AGPS: variants seen among roughly 807,000 people sequenced by gnomAD.
The protein encoded by AGPS is alkylglycerone phosphate synthase, also known as alkyldihydroxyacetonephosphate synthase, peroxisomal.
A neutral mutation model predicts 90.7 loss-of-function variants in AGPS; 26 were observed. The observed-to-expected ratio is 0.29, with a 90% CI of 0.21 to 0.40. The LOEUF (loss-of-function observed/expected upper bound fraction) is 0.40. Ranked by LOEUF, AGPS falls within the 10% of genes least tolerant of loss-of-function variation. The pLI, the probability that AGPS is intolerant of heterozygous loss-of-function variation, is 1.00. For synonymous variants in AGPS, 294 were observed against 285.3 expected (o/e 1.03, Z -0.31); for missense variants, 540 against 816.1 (o/e 0.66, Z 4.12).
At chr2:177,441,523 T>C (rs1460029246) in intron 6 of AGPS, 1 of 155,172 alleles carries the variant, frequency 6.4e-6, no homozygotes, top group Non-Finnish European at 1.4e-5. Flanking sequence ...AATATTTTTC[T>C]AATTCCAAAT....
Position 177,446,354 on chromosome 2 carries a change from G to A in AGPS, c.870+728G>A, listed in dbSNP as rs1485127687. Among the ~76,000 whole-genome samples the A allele has an allele frequency of 2.6e-5, 4 of 151,692 alleles. No individual in the cohort carries two copies. The East Asian group carries it at 5.8e-4, about 22-fold the overall frequency. ...ATTTTTAGTAGGACGGCGTTTCACC[G>A]TGGTCTCGGATCTCCTGACCTCGTG... On this transcript the variant is annotated intron_variant, in intron 8 of 19. Transcript: ENST00000264167.
At chr2:177,464,524 A>G (rs1009598070) in intron 9 of AGPS, among the ~76,000 whole-genome samples, 3 of 152,268 alleles carry the variant, frequency 2.0e-5, no homozygotes, top group Non-Finnish European at 4.4e-5. Context: ...TAAAAATTTA[A>G]AAGTTTTAAC....
intron 19 of AGPS, among the ~76,000 whole-genome samples, chr2:177,528,470 T>C (rs149158200): frequency 6.6e-6 from 1 of 152,322 alleles, no homozygotes; most frequent in Non-Finnish European, 1.5e-5. Flanking sequence ...CTTTTCCCAT[T>C]CAAGGCCTTT....
In AGPS at chr2:177,439,164, C is replaced by T. The variant is rs1382656471; in HGVS notation, c.638-1801C>T. On this transcript the variant is annotated intron_variant, in intron 5 of 19. Transcript: ENST00000264167. ...ATTTTCAGTGGCTTAAACACCAGAA[C>T]TTTAGAACTGTGAAAATACAGGCTA... 2.0e-5 allele frequency among the ~76,000 whole-genome samples: 3 copies of T among 152,292 alleles called. No individual in the cohort carries two copies. The East Asian group carries it at 5.8e-4, about 29-fold the overall frequency.
At chr2:177,509,359 T>G (rs1236082448) in intron 16 of AGPS, among the ~76,000 whole-genome samples, 1 of 152,164 alleles carries the variant, frequency 6.6e-6, no homozygotes, top group East Asian at 1.9e-4. Flanking sequence ...TCATCAGCCT[T>G]TGAGTAGTAG....
intron 1 of AGPS, among the ~76,000 whole-genome samples, chr2:177,399,917 A>C (rs78343068): frequency 1.3e-5 from 2 of 152,140 alleles, no homozygotes; most frequent in African/African-American, 4.8e-5. Context: ...TCCATGTTGC[A>C]TCTAGTCACA....
intron 10 of AGPS, among the ~76,000 whole-genome samples, chr2:177,477,127 C>A (rs1687803545): frequency 6.6e-6 from 1 of 151,934 alleles, no homozygotes; most frequent in Non-Finnish European, 1.5e-5. Context: ...TTGTTTAGTC[C>A]ATTCACATTT....
chr2:177,529,347 A>G (rs769165243), intron 19 of AGPS, among the ~76,000 whole-genome samples: 2 of 151,994 alleles, frequency 1.3e-5, no homozygotes, highest in East Asian at 1.9e-4. Flanking sequence ...GCACATGCCT[A>G]TAGTCCTAAC....
At chr2:177,409,794 A>G (rs953575812) in intron 1 of AGPS, among the ~76,000 whole-genome samples, 1 of 152,194 alleles carries the variant, frequency 6.6e-6, no homozygotes, top group Non-Finnish European at 1.5e-5. Context: ...TTGAAGAACC[A>G]TTTATACTTC....
intron 11 of AGPS, among the ~76,000 whole-genome samples, chr2:177,491,335 T>C (rs1323741241): frequency 6.6e-6 from 1 of 151,772 alleles, no homozygotes; most frequent in African/African-American, 2.4e-5. Context: ...AGTGGTTCAC[T>C]GCAACCTCTT....
At chr2:177,473,739 A>G (rs1232455623) in intron 10 of AGPS, among the ~76,000 whole-genome samples, 1 of 152,238 alleles carries the variant, frequency 6.6e-6, no homozygotes, top group African/African-American at 2.4e-5. Context: ...GCTGAGTTTG[A>G]ACTTAAGTCA....
intron 14 of AGPS, 22 bp from the exon 15 acceptor site, chr2:177,505,484 A>G (rs1259881496): frequency 3.1e-6 from 5 of 1,602,066 alleles, no homozygotes; most frequent in Non-Finnish European, 3.4e-6. Flanking sequence ...AAATTTATTA[A>G]CAGTTTGTTC....
At chr2:177,514,224 T>C (rs1239256820) in intron 17 of AGPS, among the ~76,000 whole-genome samples, 1 of 152,202 alleles carries the variant, frequency 6.6e-6, no homozygotes, top group Non-Finnish European at 1.5e-5. Flanking sequence ...ATAAATTATA[T>C]AGTCAAGAAA....
At chr2:177,393,104 C>A (rs573195126) in intron 1 of AGPS, 55 bp downstream of exon 1, 3 of 1,549,974 alleles carry the variant, frequency 1.9e-6, no homozygotes, top group Non-Finnish European at 2.6e-6. Context: ...CGGGCCTGTG[C>A]TGCAGGAGGG....
intron 2 of AGPS, among the ~76,000 whole-genome samples, chr2:177,424,995 G>A (rs1374261508): frequency 2.0e-5 from 3 of 152,196 alleles, no homozygotes; most frequent in East Asian, 3.9e-4. Flanking sequence ...CAGATGCTCC[G>A]ATTGCAAAAA....
At chr2:177,488,502 T>G (rs1386461955) in intron 11 of AGPS, among the ~76,000 whole-genome samples, 1 of 152,134 alleles carries the variant, frequency 6.6e-6, no homozygotes, top group African/African-American at 2.4e-5. Context: ...AACTTTTAAA[T>G]TAATCAATTT....
intron 7 of AGPS, 21 bp downstream of exon 7, chr2:177,442,507 T>C (rs1479392366): frequency 1.9e-6 from 3 of 1,551,216 alleles, no homozygotes; most frequent in South Asian, 1.1e-5. Flanking sequence ...ATTTGAGATA[T>C]ATTTAAAACA....
intron 8 of AGPS, among the ~76,000 whole-genome samples, chr2:177,447,418 G>A (rs1686809189): frequency 6.6e-6 from 1 of 151,992 alleles, no homozygotes; most frequent in Admixed American, 6.6e-5. Context: ...ATGAACTTTA[G>A]TGGGCAGAAT....
At chr2:177,532,885 G>C (rs2105742786) in intron 19 of AGPS, among the ~76,000 whole-genome samples, 1 of 152,192 alleles carries the variant, frequency 6.6e-6, no homozygotes, top group Non-Finnish European at 1.5e-5. Flanking sequence ...ATCCCAAAAG[G>C]TTACATACTG....
Sources: allele counts gnomAD v4.1 joint callset (sites outside exome capture counted in the v4.1 genomes callset), GRCh38; gene constraint gnomAD v4.1.1; transcripts MANE v1.5; gene names NCBI Gene and HGNC (gene_info 2026-07-23, HGNC 2026-07-21).